Variants in KALRN observed in about 807,000 individuals in gnomAD.
The protein encoded by KALRN is kalirin.
KALRN carries 70 observed loss-of-function variants against 353.7 expected under a neutral mutation model. That is an observed-to-expected ratio of 0.20 (90% confidence interval 0.16 to 0.24). KALRN has a LOEUF of 0.24. Among genes scored for constraint, KALRN ranks in the 10% least tolerant of loss-of-function variants. The pLI, the probability that KALRN is intolerant of heterozygous loss-of-function variation, is 1.00. For synonymous variants in KALRN, 1,391 were observed against 1,434.8 expected, an observed-to-expected ratio of 0.97 and a Z score of 0.69; for missense variants, 2,791 against 3,756.7, an observed-to-expected ratio of 0.74 and a Z score of 6.72.
intron 34 of KALRN, among the ~76,000 whole-genome samples, chr3:124,614,813 C>T (rs1409870501): frequency 1.3e-5 from 2 of 152,142 alleles, no homozygotes; most frequent in African/African-American, 4.8e-5. Context: ...CTCAAGCAGT[C>T]CTCCCACCTT....
intron 1 of KALRN, among the ~76,000 whole-genome samples, chr3:124,037,981 A>T (rs1381738307): frequency 3.3e-5 from 5 of 152,070 alleles, no homozygotes; most frequent in African/African-American, 1.2e-4. Flanking sequence ...GAAATGTGGG[A>T]CTCAAGACAG....
chr3:124,418,572 G>T (rs2150324870), intron 14 of KALRN, among the ~76,000 whole-genome samples: 1 of 152,222 alleles, frequency 6.6e-6, no homozygotes, highest in East Asian at 1.9e-4. Flanking sequence ...AACACAAACA[G>T]TTTTTTAAAA....
intron 26 of KALRN, among the ~76,000 whole-genome samples, chr3:124,475,052 G>A (rs1335606595): frequency 6.6e-6 from 1 of 152,158 alleles, no homozygotes; most frequent in East Asian, 1.9e-4. Context: ...ACTTTAGGAA[G>A]CCACCTAACC....
At chr3:124,399,008 A>G in intron 13 of KALRN, 137 bp downstream of exon 13, 1 of 819,406 alleles carries the variant, frequency 1.2e-6, no homozygotes, top group Non-Finnish European at 1.8e-6. Context: ...AGAAATTCCC[A>G]GTCCACCATG....
chr3:124,093,853 G>A (rs540719999), intron 1 of KALRN, among the ~76,000 whole-genome samples: 43 of 152,236 alleles, frequency 2.8e-4, no homozygotes, highest in South Asian at 8.3e-4. Flanking sequence ...AAAATTAGGC[G>A]GATTTGGCCA....
At chr3:124,533,257 T>A (rs2068209184) in intron 33 of KALRN, among the ~76,000 whole-genome samples, 1 of 152,040 alleles carries the variant, frequency 6.6e-6, no homozygotes, top group East Asian at 1.9e-4. Flanking sequence ...ATTTAAAAAT[T>A]ATTTAGCTTG....
rs1243094435 is a variant in KALRN at position 124,723,125 on chromosome 3, G to A, written c.*3655G>A. 2 of 152,182 alleles carry A rather than the reference G, an allele frequency of 1.3e-5. No homozygotes were observed. The highest frequency in any genetic ancestry group is 4.8e-5 in the African/African-American group (2 of 41,436). 9.4% of individuals were successfully genotyped at this position (152,182 alleles called of 1,614,324 possible). A position where few individuals can be genotyped will look rare whatever the true frequency, so the allele number is the denominator to read the frequency against. Reference sequence around the variant, plus strand: ...TGTAAGGGGGAGTAGAGGAAGCAGAGGAGAAAGCTAGCTTCACTGCTTTGT... The same window carrying A: ...TGTAAGGGGGAGTAGAGGAAGCAGAAGAGAAAGCTAGCTTCACTGCTTTGT... On this transcript the variant is annotated 3_prime_UTR_variant, in exon 60 of 60. Coordinates refer to ENST00000682506, the MANE Select transcript of KALRN (RefSeq NM_001388419.1).
At chr3:124,047,629 A>G (rs2040612499) in intron 1 of KALRN, among the ~76,000 whole-genome samples, 2 of 150,608 alleles carry the variant, frequency 1.3e-5, no homozygotes, top group African/African-American at 4.9e-5. Context: ...AGTAGCTGCA[A>G]CTACAGGCGC....
rs1021976643 is a variant in KALRN at position 124,398,770 on chromosome 3, C to T, written c.2245C>T (p.Leu749Phe). The T allele has an allele frequency of 6.2e-7, 1 of 1,614,230 alleles. No homozygotes were observed. The highest frequency in any genetic ancestry group is 1.3e-5 in the African/African-American group (1 of 75,068). Residue 749 changes from leucine (L) to phenylalanine (F), a missense_variant, in exon 13 of 60, where the codon CTT becomes TTT. Leu to Phe is a conservative substitution (Grantham distance 22). This residue lies in a region of KALRN where 452 missense variants were observed against 575.8 expected (regional missense o/e 0.78). Transcript: ENST00000682506. ...CCACATCGAGTCGGTCCTGCAGCAG[C>T]TTGATGATGCCCAGGTGCAGATGGA... ...ISHIESVLQQ[L>F]DDAQVQMEEL...
At chr3:124,531,990 C>A (rs900980970) in intron 33 of KALRN, among the ~76,000 whole-genome samples, 1 of 152,122 alleles carries the variant, frequency 6.6e-6, no homozygotes, top group Non-Finnish European at 1.5e-5. Context: ...CTTAGAGAAC[C>A]AATTCTTAGG....
At position 124,361,112 on chromosome 3, in the gene KALRN, G is replaced by A. The variant is rs2083987056; in HGVS notation, c.1770+13847G>A. 2.0e-5 allele frequency among the ~76,000 whole-genome samples: 3 copies of A among 152,212 alleles called. No homozygotes were observed. The South Asian group carries it at 6.2e-4, about 32-fold the overall frequency. ...CAGATGAGGAATCAGGCTTAGAGAGGATCATTCAAGTGGAGGTGGCAAGAT... is the reference window on the plus strand; with the variant it reads ...CAGATGAGGAATCAGGCTTAGAGAGAATCATTCAAGTGGAGGTGGCAAGAT... On this transcript the variant is annotated intron_variant, in intron 10 of 59. Transcript: ENST00000682506.
chr3:124,057,535 G>C (rs1220521158), intron 1 of KALRN, among the ~76,000 whole-genome samples: 3 of 152,126 alleles, frequency 2.0e-5, no homozygotes, highest in Non-Finnish European at 4.4e-5. Context: ...GGAAGAGAGA[G>C]GGGAAGCAGA....
rs1206993582 is a variant in KALRN, at chr3:124,298,809, CACA to C, written c.993_995del (p.Asn331del). 4 of 1,614,026 alleles carry C rather than the reference CACA, an allele frequency of 2.5e-6. No individual in the cohort carries two copies. Among genetic ancestry groups the C allele is most frequent in the Non-Finnish European group, 8.5e-7 (1 of 1,180,014 alleles). On this transcript the variant is annotated inframe_deletion, in exon 6 of 60. Coordinates refer to ENST00000682506, the MANE Select transcript of KALRN (RefSeq NM_001388419.1). ...TCTCTAGATGTTTGACTGGATAAGC[CACA>C]ACAAGGAGTTATTCCTCCAGAGCCA...
At chr3:124,377,346 T>A (rs1305469567) in intron 10 of KALRN, among the ~76,000 whole-genome samples, 1 of 152,214 alleles carries the variant, frequency 6.6e-6, no homozygotes, top group East Asian at 1.9e-4. Context: ...TCCAATAATT[T>A]GTGAGTATTC....
intron 29 of KALRN, among the ~76,000 whole-genome samples, chr3:124,490,165 G>C (rs894795714): frequency 2.6e-5 from 4 of 152,112 alleles, no homozygotes; most frequent in African/African-American, 9.7e-5. Context: ...AGCTAAGCTG[G>C]GAGGATCACT....
chr3:124,209,968 A>T (rs1278465259), intron 1 of KALRN, among the ~76,000 whole-genome samples: 1 of 152,178 alleles, frequency 6.6e-6, no homozygotes, highest in Admixed American at 6.5e-5. Flanking sequence ...ACTCATTTTC[A>T]TTTGGTATCA....
intron 10 of KALRN, among the ~76,000 whole-genome samples, chr3:124,354,012 G>A (rs2083113790): frequency 6.6e-6 from 1 of 152,176 alleles, no homozygotes; most frequent in Non-Finnish European, 1.5e-5. Flanking sequence ...TATATCTTGT[G>A]GATAACTTCC....
At chr3:124,049,786 C>T (rs1309931287) in intron 1 of KALRN, among the ~76,000 whole-genome samples, 1 of 152,162 alleles carries the variant, frequency 6.6e-6, no homozygotes, top group African/African-American at 2.4e-5. Context: ...GGTTTTCTTT[C>T]TGGTGGGTAA....
chr3:124,284,498 C>T (rs1372069098), intron 5 of KALRN, among the ~76,000 whole-genome samples: 1 of 152,222 alleles, frequency 6.6e-6, no homozygotes, highest in Non-Finnish European at 1.5e-5. Flanking sequence ...CCATGCTTTT[C>T]CCTAACCCTA....
Sources: gnomAD v4.1 joint callset for allele counts (sites outside exome capture counted in the v4.1 genomes callset) on GRCh38, gnomAD v4.1.1 for gene constraint, gnomAD v4.1.1 regional missense constraint, MANE v1.5 for transcripts, NCBI Gene and HGNC (gene_info 2026-07-23, HGNC 2026-07-21) for gene names.